NCOA2: variants seen among roughly 807,000 people sequenced by gnomAD.
NCOA2 encodes the protein nuclear receptor coactivator 2, also known as class E basic helix-loop-helix protein 75.
A neutral mutation model predicts 145.1 loss-of-function variants in NCOA2; 21 were observed. The observed-to-expected ratio is 0.14, with a 90% CI of 0.10 to 0.21. NCOA2 has a LOEUF of 0.21. NCOA2 is among the 10% of genes least tolerant of loss of function. The probability of loss-of-function intolerance (pLI) is 1.00; values close to 1 mark genes in which losing one functional copy is unlikely to be tolerated. For synonymous variants in NCOA2, 619 were observed against 637.5 expected (o/e 0.97, Z 0.44); for missense variants, 1,472 against 1,837.6 (o/e 0.80, Z 3.64).
At chr8:70,185,089 T>C (rs1173443694) in intron 4 of NCOA2, among the ~76,000 whole-genome samples, 1 of 152,198 alleles carries the variant, frequency 6.6e-6, no homozygotes, top group Non-Finnish European at 1.5e-5. Flanking sequence ...CAGGATCTGA[T>C]GTCATTCTAA....
chr8:70,159,244 T>TGTATATATA lies in NCOA2; in HGVS notation c.1124+260_1124+261insTATATATAC. Among the ~76,000 whole-genome samples the TGTATATATA allele has an allele frequency of 9.0e-3, 623 of 69,286 alleles. 85 individuals are homozygous for TGTATATATA. Among genetic ancestry groups the TGTATATATA allele is most frequent in the Admixed American group, 0.026 (141 of 5,462 alleles). 45.5% of individuals were successfully genotyped at this position (69,286 alleles called of 152,430 possible). A position where few individuals can be genotyped will look rare whatever the true frequency, so the allele number is the denominator to read the frequency against. The stretch of plus-strand genomic sequence containing the variant: ...ACATTATATATATATATATATATAT[T>TGTATATATA]TTTTTTTTTTTCCCCCAAATATTTT... On this transcript the variant is annotated intron_variant, in intron 10 of 22. Transcript: ENST00000452400.
the NCOA2 span, among the ~76,000 whole-genome samples, chr8:70,437,849 A>ACATACATGTAACAGTTGTATTTTT: frequency 2.0e-5 from 3 of 152,236 alleles, no homozygotes; most frequent in Non-Finnish European, 2.9e-5. Context: ...ATTGTATTAT[A>ACATACATGTAACAGTTGTATTTTT]CATACATGTA....
the NCOA2 span, among the ~76,000 whole-genome samples, chr8:70,433,775 G>T: frequency 6.6e-6 from 1 of 152,130 alleles, no homozygotes. Flanking sequence ...AATGCTTCCA[G>T]GTTTCTGGCT....
intron 9 of NCOA2, among the ~76,000 whole-genome samples, chr8:70,161,683 A>G (rs1747569617): frequency 1.3e-5 from 2 of 152,314 alleles, no homozygotes; most frequent in East Asian, 1.9e-4. Context: ...TCCATTTTCA[A>G]TAACTAGCTA....
At chr8:70,309,938 G>C (rs992972792) in intron 1 of NCOA2, among the ~76,000 whole-genome samples, 2 of 151,918 alleles carry the variant, frequency 1.3e-5, no homozygotes, top group African/African-American at 4.8e-5. Flanking sequence ...TGGAGACAGA[G>C]CAAGACCCTG....
At chr8:70,386,749 A>G (rs1447814183) in intron 1 of NCOA2, among the ~76,000 whole-genome samples, 1 of 152,194 alleles carries the variant, frequency 6.6e-6, no homozygotes, top group African/African-American at 2.4e-5. Flanking sequence ...GGCTTCATGA[A>G]TAACAAAAAT....
intron 2 of NCOA2, among the ~76,000 whole-genome samples, chr8:70,254,130 C>T (rs555003784): frequency 6.6e-6 from 1 of 152,242 alleles, no homozygotes; most frequent in African/African-American, 2.4e-5. Context: ...GGCAAATAAG[C>T]ACATGGAAAT....
chr8:70,370,006 C>T (rs1369134821), intron 1 of NCOA2, among the ~76,000 whole-genome samples: 1 of 152,042 alleles, frequency 6.6e-6, no homozygotes, highest in Non-Finnish European at 1.5e-5. Flanking sequence ...CAACCTTAGC[C>T]TCCAGAGGAG....
chr8:70,438,387 T>A, the NCOA2 span, among the ~76,000 whole-genome samples: 1 of 152,186 alleles, frequency 6.6e-6, no homozygotes, highest in Non-Finnish European at 1.5e-5. Flanking sequence ...TCTTTTTTCT[T>A]CCTCTTTTTT....
intron 2 of NCOA2, among the ~76,000 whole-genome samples, chr8:70,288,262 G>C (rs190746326): frequency 6.6e-6 from 1 of 152,176 alleles, no homozygotes. Flanking sequence ...AAAGAGGAAG[G>C]GTTATTTTTT....
chr8:70,160,967 AG>A (rs1222179649), intron 9 of NCOA2, among the ~76,000 whole-genome samples: 1 of 152,238 alleles, frequency 6.6e-6, no homozygotes, highest in African/African-American at 2.4e-5. Context: ...TTATAATTTC[AG>A]AATTTTACCT....
chr8:70,172,525 C>T (rs144318901), intron 5 of NCOA2, among the ~76,000 whole-genome samples: 5 of 152,280 alleles, frequency 3.3e-5, no homozygotes, highest in Non-Finnish European at 7.4e-5. Flanking sequence ...TTTCTTAAAA[C>T]ATTCTATCAG....
chr8:70,159,819 TAA>T (rs1276426122), intron 9 of NCOA2, among the ~76,000 whole-genome samples, 167 bp from the exon 10 acceptor site: 1 of 152,230 alleles, frequency 6.6e-6, no homozygotes. Flanking sequence ...CATAACATTT[TAA>T]AAGCACATTT....
chr8:70,212,100 T>TATATATATA (rs1563628128), intron 4 of NCOA2, among the ~76,000 whole-genome samples: 2 of 148,024 alleles, frequency 1.4e-5, no homozygotes, highest in East Asian at 2.0e-4. Context: ...TATATATATA[T>TATATATATA]TTGTTTTGAA....
chr8:70,294,585 A>G (rs1003088748), intron 2 of NCOA2, among the ~76,000 whole-genome samples: 3 of 152,232 alleles, frequency 2.0e-5, no homozygotes, highest in African/African-American at 7.2e-5. Flanking sequence ...CTAATGAAAT[A>G]TAAGTGAAAT....
chr8:70,424,723 C>A, the NCOA2 span: 1 of 236,062 alleles, frequency 4.2e-6, no homozygotes, highest in South Asian at 5.0e-5. Context: ...AGGAAAGCAG[C>A]CACAGACAAT....
intron 4 of NCOA2, among the ~76,000 whole-genome samples, chr8:70,196,638 C>T (rs188867581): frequency 2.0e-5 from 3 of 152,318 alleles, no homozygotes; most frequent in African/African-American, 7.2e-5. Context: ...ATCAAAATCT[C>T]TTTTCTGAAC....
intron 1 of NCOA2, among the ~76,000 whole-genome samples, chr8:70,376,904 C>T (rs982904374): frequency 1.3e-5 from 2 of 152,178 alleles, no homozygotes; most frequent in South Asian, 2.1e-4. Flanking sequence ...ACTGATGATG[C>T]CAGAGCTCCG....
intron 1 of NCOA2, among the ~76,000 whole-genome samples, chr8:70,390,901 T>G (rs1036305580): frequency 2.6e-5 from 4 of 152,236 alleles, no homozygotes; most frequent in Non-Finnish European, 5.9e-5. Context: ...TGGTGTCTAC[T>G]ACATACCTAT....
Sources: gnomAD v4.1 joint callset for allele counts (sites outside exome capture counted in the v4.1 genomes callset) on GRCh38, gnomAD v4.1.1 for gene constraint, MANE v1.5 for transcripts, NCBI Gene and HGNC (gene_info 2026-07-23, HGNC 2026-07-21) for gene names.